The following EIF3E variants were observed in gnomAD, a reference collection of about 807,000 sequenced individuals.
EIF3E encodes eukaryotic translation initiation factor 3 subunit E, also known as eIF-3 p48.
EIF3E carries 25 observed loss-of-function variants against 59.3 expected under a neutral mutation model. The observed-to-expected ratio is 0.42, with a 90% CI of 0.31 to 0.59. EIF3E has a LOEUF of 0.59. Ranked by LOEUF, EIF3E falls within the 20% of genes least tolerant of loss-of-function variation. EIF3E has a pLI of 0.15. For missense variants in EIF3E, 317 were observed against 534.3 expected, an observed-to-expected ratio of 0.59 and a Z score of 4.01; for synonymous variants, 176 against 170.2, an observed-to-expected ratio of 1.03 and a Z score of -0.26.
At chr8:108,217,071 G>A (rs1586196414) in intron 8 of EIF3E, among the ~76,000 whole-genome samples, 1 of 152,042 alleles carries the variant, frequency 6.6e-6, no homozygotes, top group South Asian at 2.1e-4. Flanking sequence ...TGCAATAAGA[G>A]AAACACATAC....
chr8:108,244,337 C>T (rs1307329403), intron 1 of EIF3E, among the ~76,000 whole-genome samples: 2 of 152,156 alleles, frequency 1.3e-5, no homozygotes, highest in Admixed American at 6.5e-5. Context: ...GATTCCCAGG[C>T]TATAGTCTGC....
chr8:108,216,886 T>C lies in EIF3E; in HGVS notation c.850-373A>G, dbSNP rs79469806. Among the ~76,000 whole-genome samples, 1,338 of 152,322 alleles carry C rather than the reference T, an allele frequency of 8.8e-3. 36 individuals are homozygous for C. Among genetic ancestry groups the C allele is most frequent in the African/African-American group, 0.031 (1,275 of 41,566 alleles). On this transcript the variant is annotated intron_variant, in intron 8 of 12. Coordinates refer to ENST00000220849, the MANE Select transcript of EIF3E (RefSeq NM_001568.3). The stretch of plus-strand genomic sequence containing the variant: ...CACTCTTAAATAAATATTTAAGTTA[T>C]ATTTCTAATCTACGGGTTTTGCTGA...
chr8:108,206,253 A>T (rs60177059), intron 10 of EIF3E, among the ~76,000 whole-genome samples: 3,034 of 152,106 alleles, frequency 0.02, 88 homozygotes, highest in African/African-American at 0.066. Context: ...TGATCTTGGG[A>T]GGCAGAGGTT....
At chr8:108,228,933 A>G (rs1815571152) in intron 6 of EIF3E, 137 bp downstream of exon 6, 2 of 928,128 alleles carry the variant, frequency 2.2e-6, no homozygotes, top group Non-Finnish European at 3.0e-6. Flanking sequence ...CTAATCCACT[A>G]TGATTTTTGT....
intron 10 of EIF3E, among the ~76,000 whole-genome samples, chr8:108,206,498 T>C (rs1052113005): frequency 1.1e-4 from 16 of 152,126 alleles, no homozygotes; most frequent in African/African-American, 3.9e-4. Context: ...AGGCTGGATG[T>C]GGTGGCTCAT....
At chr8:108,244,551 T>TA (rs1389357439) in intron 1 of EIF3E, among the ~76,000 whole-genome samples, 1 of 152,100 alleles carries the variant, frequency 6.6e-6, no homozygotes, top group Non-Finnish European at 1.5e-5. Flanking sequence ...AATTCCAACT[T>TA]AAAACTGATA....
chr8:108,222,881 T>C (rs1815446383), intron 7 of EIF3E, among the ~76,000 whole-genome samples: 1 of 150,270 alleles, frequency 6.7e-6, no homozygotes, highest in Non-Finnish European at 1.5e-5. Flanking sequence ...TGCTATGAAG[T>C]GAAATTTCAA....
Position 108,221,250 on chromosome 8 carries a change from A to C in EIF3E, c.723-3790T>G, listed in dbSNP as rs138141821. On this transcript the variant is annotated intron_variant, in intron 7 of 12. Transcript: ENST00000220849. Reference sequence around the variant, plus strand: ...ATCACTACTCAGTCTCCCAGGCTCAACTGATCCTCCTGCCTTAGCCTAAGT... The same window carrying C: ...ATCACTACTCAGTCTCCCAGGCTCACCTGATCCTCCTGCCTTAGCCTAAGT... Among the ~76,000 whole-genome samples the C allele has an allele frequency of 2.5e-3, 376 of 152,278 alleles. 8 individuals carry two copies. The highest frequency in any genetic ancestry group is 0.018 in the Admixed American group (281 of 15,288).
intron 10 of EIF3E, among the ~76,000 whole-genome samples, chr8:108,209,658 T>C (rs1171915133): frequency 6.6e-6 from 1 of 152,194 alleles, no homozygotes; most frequent in Non-Finnish European, 1.5e-5. Context: ...GCTGTACTAC[T>C]AGTTAGGTTG....
At chr8:108,206,657 C>T (rs549920062) in intron 10 of EIF3E, among the ~76,000 whole-genome samples, 12 of 152,018 alleles carry the variant, frequency 7.9e-5, no homozygotes, top group African/African-American at 1.4e-4. Flanking sequence ...TACACACGCA[C>T]GCACGTACAG....
chr8:108,218,678 A>T (rs1268470684), intron 7 of EIF3E, among the ~76,000 whole-genome samples: 1 of 152,182 alleles, frequency 6.6e-6, no homozygotes, highest in Non-Finnish European at 1.5e-5. Flanking sequence ...CATTTAGAAC[A>T]ATTACTTCTC....
At chr8:108,238,191 T>A (rs1478365481) in intron 3 of EIF3E, among the ~76,000 whole-genome samples, 1 of 152,236 alleles carries the variant, frequency 6.6e-6, no homozygotes, top group African/African-American at 2.4e-5. Flanking sequence ...CTAAAATTAC[T>A]TCTTCTAAAA....
At chr8:108,240,416 C>T (rs1164025101) in intron 2 of EIF3E, among the ~76,000 whole-genome samples, 2 of 152,098 alleles carry the variant, frequency 1.3e-5, no homozygotes. Flanking sequence ...AACTTCTTTC[C>T]AAGTGTTTTT....
intron 1 of EIF3E, among the ~76,000 whole-genome samples, chr8:108,246,188 T>G (rs1254674177): frequency 6.7e-6 from 1 of 148,902 alleles, no homozygotes; most frequent in Non-Finnish European, 1.5e-5. Flanking sequence ...GCGAACAATT[T>G]AAAACTTACG....
chr8:108,234,822 G>A (rs528868556), intron 5 of EIF3E, 176 bp downstream of exon 5: 1 of 392,862 alleles, frequency 2.5e-6, no homozygotes, highest in African/African-American at 2.1e-5. Flanking sequence ...CCTGAAACAA[G>A]GTTTCTAGTT....
chr8:108,215,607 G>A (rs1415595787), intron 9 of EIF3E, among the ~76,000 whole-genome samples: 1 of 151,976 alleles, frequency 6.6e-6, no homozygotes, highest in Non-Finnish European at 1.5e-5. Context: ...AACAGAGTGA[G>A]ACTCTGTCTG....
At chr8:108,247,530 G>C (rs1815971217) in intron 1 of EIF3E, among the ~76,000 whole-genome samples, 1 of 152,162 alleles carries the variant, frequency 6.6e-6, no homozygotes, top group South Asian at 2.1e-4. Context: ...AACAACTTTA[G>C]AGTTGTCTAT....
At chr8:108,221,204 A>G (rs559089) in intron 7 of EIF3E, among the ~76,000 whole-genome samples, 28,481 of 152,200 alleles carry the variant, frequency 0.19, 2,902 homozygotes, top group Middle Eastern at 0.23. Context: ...TCTGTCACCC[A>G]GGCTGAAGTG....
intron 11 of EIF3E, 139 bp from the exon 12 acceptor site, chr8:108,203,256 TAGG>T (rs1381280199): frequency 1.6e-6 from 2 of 1,283,608 alleles, no homozygotes; most frequent in African/African-American, 1.5e-5. Flanking sequence ...AGAAAAAAAA[TAGG>T]AGGCTTCTGT....
Sources: gnomAD v4.1 joint callset for allele counts (sites outside exome capture counted in the v4.1 genomes callset) on GRCh38, gnomAD v4.1.1 for gene constraint, MANE v1.5 for transcripts, NCBI Gene and HGNC (gene_info 2026-07-23, HGNC 2026-07-21) for gene names.